Variants in LAMA2 observed in about 807,000 individuals in gnomAD.
LAMA2 encodes the protein laminin subunit alpha-2.
LAMA2 carries 269 observed loss-of-function variants against 364.8 expected under a neutral mutation model. The ratio of observed to expected loss-of-function variants is 0.74; its 90% confidence interval spans 0.67 to 0.82. The LOEUF is 0.82. LAMA2 is among the 40% of genes least tolerant of loss of function. The probability of loss-of-function intolerance (pLI) is 0.00; values close to 1 mark genes in which losing one functional copy is unlikely to be tolerated. For synonymous variants in LAMA2, 1,379 were observed against 1,370.6 expected (o/e 1.01, Z -0.14); for missense variants, 3,807 against 3,873.2 (o/e 0.98, Z 0.45).
rs749476549 is a variant in LAMA2 at position 129,353,281 on chromosome 6, G to A, written c.4641G>A (p.Thr1547=). 3.5e-5 allele frequency: 57 copies of A among 1,613,978 alleles called. No homozygotes were observed. The highest frequency in any genetic ancestry group is 1.8e-4 in the Admixed American group (11 of 59,990). ...VPCDPVTGFC[T]CRPGATGRKC... ...GTGACCCTGTCACAGGATTCTGCAC[G>A]TGCCGACCTGGAGCCACGGGAAGGA... The change falls in exon 32 of 65, where the codon ACG becomes ACA. Residue 1547 remains threonine, a synonymous_variant. Transcript: ENST00000421865.
chr6:129,176,005 A>G (rs1331851582), intron 9 of LAMA2, among the ~76,000 whole-genome samples: 3 of 151,386 alleles, frequency 2.0e-5, no homozygotes, highest in Admixed American at 6.6e-5. Flanking sequence ...TCTTTTTTAT[A>G]CTTAAATGAA....
chr6:128,992,354 C>T (rs9402090), intron 1 of LAMA2, among the ~76,000 whole-genome samples: 85,706 of 152,078 alleles, frequency 0.56, 28,300 homozygotes, highest in East Asian at 0.96. Context: ...TAATCCTTTA[C>T]AGTTTTTATG....
intron 1 of LAMA2, among the ~76,000 whole-genome samples, chr6:128,919,768 A>G (rs1172470809): frequency 2.0e-5 from 3 of 152,200 alleles, no homozygotes; most frequent in Non-Finnish European, 2.9e-5. Context: ...TGACCTTAGT[A>G]TAAAATCCAA....
At chr6:129,041,094 T>C (rs900901454) in intron 1 of LAMA2, among the ~76,000 whole-genome samples, 1 of 152,242 alleles carries the variant, frequency 6.6e-6, no homozygotes, top group African/African-American at 2.4e-5. Flanking sequence ...TCTTCATTTG[T>C]AAAATTCAAG....
chr6:129,467,624 G>A (rs2114814183), intron 51 of LAMA2, among the ~76,000 whole-genome samples: 1 of 151,922 alleles, frequency 6.6e-6, no homozygotes, highest in Non-Finnish European at 1.5e-5. Context: ...AACAAACAGG[G>A]ATAAAATGAT....
intron 1 of LAMA2, among the ~76,000 whole-genome samples, chr6:128,989,948 G>T (rs980955432): frequency 1.3e-5 from 2 of 152,066 alleles, no homozygotes; most frequent in African/African-American, 4.8e-5. Flanking sequence ...TTCAGACGCT[G>T]GTCACCTCCC....
At chr6:129,136,030 G>GA (rs966200137) in intron 4 of LAMA2, among the ~76,000 whole-genome samples, 37 of 146,996 alleles carry the variant, frequency 2.5e-4, no homozygotes, top group Middle Eastern at 3.5e-3. Context: ...TCCTTTCAGA[G>GA]AAAAAAAAAA....
At chr6:129,439,982 T>A (rs144664427) in intron 42 of LAMA2, among the ~76,000 whole-genome samples, 1 of 152,022 alleles carries the variant, frequency 6.6e-6, no homozygotes, top group Admixed American at 6.6e-5. Context: ...AAGGACAACT[T>A]GTCTTCTGTG....
At chr6:129,428,884 T>G (rs150979301) in intron 41 of LAMA2, among the ~76,000 whole-genome samples, 1 of 152,318 alleles carries the variant, frequency 6.6e-6, no homozygotes, top group East Asian at 1.9e-4. Context: ...CAATTATTAT[T>G]TTATGCACTT....
At chr6:129,027,204 T>C (rs188718562) in intron 1 of LAMA2, among the ~76,000 whole-genome samples, 93 of 152,188 alleles carry the variant, frequency 6.1e-4, no homozygotes, top group Admixed American at 3.5e-3. Flanking sequence ...GAGGAAGTTA[T>C]AGAAATGGGT....
chr6:128,909,493 AT>A (rs1777742265), intron 1 of LAMA2, among the ~76,000 whole-genome samples: 1 of 149,138 alleles, frequency 6.7e-6, no homozygotes, highest in Non-Finnish European at 1.5e-5. Flanking sequence ...TGCTTGGTAG[AT>A]CTTCCTCCAT....
chr6:129,313,027 A>G lies in LAMA2; in HGVS notation c.3341A>G (p.Asp1114Gly). 1 of 1,614,172 alleles carries G rather than the reference A, an allele frequency of 6.2e-7. No individual in the cohort carries two copies. Among genetic ancestry groups the G allele is most frequent in the South Asian group, 1.1e-5 (1 of 91,080 alleles). The change falls in exon 23 of 65, where the codon GAT becomes GGT. Residue 1114 changes from aspartate (D) to glycine (G), a missense_variant. Physicochemically the swap from Asp to Gly is moderately conservative, Grantham distance 94 (BLOSUM62 -1). Around this residue, in one of 3 missense-constraint regions of LAMA2, gnomAD observed 3,333 missense variants for 3,345.7 expected, o/e 1.00. Transcript: ENST00000421865. ...NLCDCFLPGT[D>G]ATTCDSETKK... The stretch of plus-strand genomic sequence containing the variant: ...TGTGACTGCTTCCTCCCTGGGACAG[A>G]TGCCACAACCTGTGATTCAGAGACT...
Position 129,005,546 on chromosome 6 carries a change from T to G in LAMA2, c.113-44372T>G, listed in dbSNP as rs138763345. On this transcript the variant is annotated intron_variant, in intron 1 of 64. Transcript: ENST00000421865. ...TTTGATTTCTCATTACTTTCAAGTA[T>G]CTTCTTCATGTAAAATTTTAATCAA... Among the ~76,000 whole-genome samples the G allele has an allele frequency of 4.6e-5, 7 of 152,034 alleles. No homozygotes were observed. The East Asian group carries it at 7.7e-4, about 17-fold the overall frequency.
intron 9 of LAMA2, among the ~76,000 whole-genome samples, chr6:129,174,787 C>T (rs980729702): frequency 3.9e-5 from 6 of 152,074 alleles, no homozygotes; most frequent in East Asian, 3.9e-4. Context: ...TTCTTGCCAG[C>T]GCAACGATTC....
At chr6:128,921,465 G>A (rs1778707713) in intron 1 of LAMA2, among the ~76,000 whole-genome samples, 1 of 152,118 alleles carries the variant, frequency 6.6e-6, no homozygotes, top group Admixed American at 6.6e-5. Flanking sequence ...TACTGGTTTA[G>A]GGTGGACCCT....
chr6:128,990,179 T>C (rs1783519992), intron 1 of LAMA2, among the ~76,000 whole-genome samples: 1 of 152,244 alleles, frequency 6.6e-6, no homozygotes, highest in South Asian at 2.1e-4. Flanking sequence ...TTCTGTTGTA[T>C]ACACTATTTG....
At chr6:129,331,539 A>T (rs1165968771) in intron 29 of LAMA2, among the ~76,000 whole-genome samples, 1 of 152,152 alleles carries the variant, frequency 6.6e-6, no homozygotes, top group Non-Finnish European at 1.5e-5. Context: ...ATTACTTTGG[A>T]TGAATTATTC....
chr6:129,051,999 GTATATA>G (rs10551797), intron 2 of LAMA2, among the ~76,000 whole-genome samples: 2 of 150,568 alleles, frequency 1.3e-5, no homozygotes, highest in Non-Finnish European at 2.9e-5. Flanking sequence ...ATGTATGCAG[GTATATA>G]TATATATATG....
intron 3 of LAMA2, 117 bp downstream of exon 3, chr6:129,060,013 T>G: frequency 2.8e-6 from 2 of 705,910 alleles, no homozygotes; most frequent in South Asian, 3.0e-5. Flanking sequence ...CTCCATTGTT[T>G]TCTTGATAAG....
Sources: gnomAD v4.1 joint callset for allele counts (sites outside exome capture counted in the v4.1 genomes callset) on GRCh38, gnomAD v4.1.1 for gene constraint, gnomAD v4.1.1 regional missense constraint, MANE v1.5 for transcripts, NCBI Gene and HGNC (gene_info 2026-07-23, HGNC 2026-07-21) for gene names.